CRTAC1: variants seen among roughly 807,000 people sequenced by gnomAD.
CRTAC1 encodes the protein cartilage acidic protein 1.
In CRTAC1, 37 loss-of-function variants were observed where a neutral mutation model predicts 67.8. That is an observed-to-expected ratio of 0.55 (90% CI 0.42 to 0.72). The LOEUF (loss-of-function observed/expected upper bound fraction) is 0.72. CRTAC1 is among the 30% of genes least tolerant of loss of function. The pLI, the probability that CRTAC1 is intolerant of heterozygous loss-of-function variation, is 0.00. For missense variants in CRTAC1, 780 were observed against 931.6 expected, an observed-to-expected ratio of 0.84 and a Z score of 2.12; for synonymous variants, 348 against 371.0, an observed-to-expected ratio of 0.94 and a Z score of 0.71.
intron 2 of CRTAC1, among the ~76,000 whole-genome samples, chr10:97,955,638 C>A (rs2051427947): frequency 1.3e-5 from 2 of 152,152 alleles, no homozygotes; most frequent in Admixed American, 1.3e-4. Flanking sequence ...TCTGGGATGT[C>A]ATGAAAATAA....
intron 5 of CRTAC1, among the ~76,000 whole-genome samples, chr10:97,910,530 A>G (rs2050676423): frequency 6.6e-6 from 1 of 152,258 alleles, no homozygotes; most frequent in South Asian, 2.1e-4. Context: ...AAGAAGAGTT[A>G]TCAGAGCACT....
chr10:97,928,845 G>A (rs147798155), intron 3 of CRTAC1, among the ~76,000 whole-genome samples: 137 of 152,274 alleles, frequency 9.0e-4, no homozygotes, highest in Non-Finnish European at 1.7e-3. Flanking sequence ...AAGCATGGCA[G>A]GGCAGGGGAG....
intron 2 of CRTAC1, among the ~76,000 whole-genome samples, chr10:98,006,726 G>T (rs1189460335): frequency 6.6e-6 from 1 of 152,210 alleles, no homozygotes; most frequent in Non-Finnish European, 1.5e-5. Context: ...CAAGTACGGA[G>T]CGCTTTATAA....
At chr10:97,965,233 T>G (rs1043997566) in intron 2 of CRTAC1, among the ~76,000 whole-genome samples, 1 of 152,192 alleles carries the variant, frequency 6.6e-6, no homozygotes, top group Admixed American at 6.5e-5. Flanking sequence ...TAGCAGATAA[T>G]AGCAAACATT....
intron 2 of CRTAC1, among the ~76,000 whole-genome samples, chr10:97,980,547 G>A (rs1252874735): frequency 1.3e-5 from 2 of 152,206 alleles, no homozygotes; most frequent in Non-Finnish European, 2.9e-5. Flanking sequence ...GGGTGCTTGG[G>A]ACTAATGAGG....
chr10:97,998,146 T>C (rs539658828), intron 2 of CRTAC1, among the ~76,000 whole-genome samples: 2 of 152,192 alleles, frequency 1.3e-5, no homozygotes, highest in Non-Finnish European at 2.9e-5. Flanking sequence ...ATTTATCTTG[T>C]ATTTTTAGTA....
chr10:97,991,344 C>T (rs901312481), intron 2 of CRTAC1, among the ~76,000 whole-genome samples: 5 of 151,484 alleles, frequency 3.3e-5, no homozygotes, highest in East Asian at 3.9e-4. Flanking sequence ...ACCCAGGAGT[C>T]GGAGGTTGAA....
intron 6 of CRTAC1, among the ~76,000 whole-genome samples, chr10:97,906,535 G>A (rs539349022): frequency 1.3e-4 from 20 of 152,200 alleles, no homozygotes; most frequent in African/African-American, 1.9e-4. Flanking sequence ...CAACTTGTTC[G>A]CTCACCTCTG....
At chr10:98,007,728 T>C (rs1257474858) in intron 2 of CRTAC1, among the ~76,000 whole-genome samples, 1 of 152,166 alleles carries the variant, frequency 6.6e-6, no homozygotes, top group African/African-American at 2.4e-5. Flanking sequence ...AGTTCTTGTT[T>C]CCGGAGGATG....
At chr10:97,887,206 T>C (rs1028648398) in intron 11 of CRTAC1, among the ~76,000 whole-genome samples, 5 of 150,662 alleles carry the variant, frequency 3.3e-5, no homozygotes, top group Non-Finnish European at 7.4e-5. Context: ...CAGATTTGCA[T>C]GTGGTACTTG....
In CRTAC1 at chr10:97,880,239, C is replaced by T. The variant is rs201908034; in HGVS notation, c.1819+10G>A. 3.7e-6 allele frequency: 6 copies of T among 1,612,450 alleles called. No homozygotes were observed. In the South Asian group the frequency reaches 6.6e-5, roughly 18 times the overall value. On this transcript the variant is annotated intron_variant, in intron 14 of 14. Transcript: ENST00000370597. ...TTTTGCTACTGGCCTATGGCTGGGG[C>T]CCCACTCACCCACGCAGGCTGTGCC...
At chr10:97,971,980 A>G (rs1323398213) in intron 2 of CRTAC1, among the ~76,000 whole-genome samples, 2 of 152,164 alleles carry the variant, frequency 1.3e-5, no homozygotes, top group East Asian at 3.9e-4. Context: ...TACCTGGAAG[A>G]CAGCCAAATG....
intron 1 of CRTAC1, among the ~76,000 whole-genome samples, chr10:98,021,309 T>C (rs1401286275): frequency 6.6e-6 from 1 of 152,114 alleles, no homozygotes; most frequent in African/African-American, 2.4e-5. Context: ...TCCTCCCCTC[T>C]ACCTGGAGAC....
At chr10:97,907,939 C>T in intron 6 of CRTAC1, 74 bp downstream of exon 6, 3 of 1,537,546 alleles carry the variant, frequency 2.0e-6, no homozygotes, top group Non-Finnish European at 2.7e-6. Flanking sequence ...CTGGAGGGGG[C>T]AGGGCAGTCT....
In CRTAC1 at chr10:97,923,381, G is replaced by C. The variant is rs1432413945; in HGVS notation, c.441C>G (p.Asp147Glu). The stretch of plus-strand genomic sequence containing the variant: ...GGTTATTGCGGAACTTGAACAACTT[G>C]TCGGTGTACGTGGCCACCCCTGGAG... Reference protein sequence around the residue: ...NAFSGVATYTDKLFKFRNNRW... With the variant: ...NAFSGVATYTEKLFKFRNNRW... Residue 147 changes from aspartate to glutamate, a missense_variant, in exon 4 of 15, where the codon GAC (aspartate) becomes GAG (glutamate). Coordinates refer to ENST00000370597, the MANE Select transcript of CRTAC1 (RefSeq NM_018058.7). The C allele has an allele frequency of 6.2e-7, 1 of 1,614,116 alleles. No individual in the cohort carries two copies. Among genetic ancestry groups the C allele is most frequent in the Non-Finnish European group, 8.5e-7 (1 of 1,180,012 alleles).
chr10:97,966,710 G>A (rs765522464), intron 2 of CRTAC1, among the ~76,000 whole-genome samples: 3 of 152,052 alleles, frequency 2.0e-5, no homozygotes, highest in Admixed American at 6.5e-5. Context: ...GCTCCTCTTC[G>A]CCATGACAGT....
chr10:97,959,799 A>C (rs962292834), intron 2 of CRTAC1, among the ~76,000 whole-genome samples: 2 of 152,194 alleles, frequency 1.3e-5, no homozygotes, highest in African/African-American at 4.8e-5. Context: ...TCTCTTCTTC[A>C]GCTTCTTGAA....
At chr10:97,888,187 C>T (rs1404883490) in intron 11 of CRTAC1, among the ~76,000 whole-genome samples, 5 of 152,316 alleles carry the variant, frequency 3.3e-5, no homozygotes, top group African/African-American at 1.2e-4. Context: ...ATGAGACAGA[C>T]CCAGGCCCCA....
At chr10:97,879,820 G>A (rs1476237907) in intron 14 of CRTAC1, 32 of 1,539,446 alleles carry the variant, frequency 2.1e-5, no homozygotes, top group African/African-American at 4.2e-5. Context: ...ACGATGCGGC[G>A]GGGAGACAGA....
Sources: allele counts gnomAD v4.1 joint callset (sites outside exome capture counted in the v4.1 genomes callset), GRCh38; gene constraint gnomAD v4.1.1; transcripts MANE v1.5; gene names NCBI Gene and HGNC (gene_info 2026-07-23, HGNC 2026-07-21).